SRFBP1: variants seen among roughly 807,000 people sequenced by gnomAD.
The protein encoded by SRFBP1 is serum response factor-binding protein 1.
In SRFBP1, 47 loss-of-function variants were observed where a neutral mutation model predicts 45.5. That is an observed-to-expected ratio of 1.03 (90% CI 0.82 to 1.32). SRFBP1 has a LOEUF of 1.32. SRFBP1 is among the 40% of genes most tolerant of loss of function. SRFBP1 has a pLI of 0.00. For missense variants in SRFBP1, 621 were observed against 484.6 expected, an observed-to-expected ratio of 1.28 and a Z score of -2.64; for synonymous variants, 203 against 166.3, an observed-to-expected ratio of 1.22 and a Z score of -1.70.
At chr5:122,072,193 C>T (rs1383974599) in intron 2 of SRFBP1, among the ~76,000 whole-genome samples, 1 of 152,120 alleles carries the variant, frequency 6.6e-6, no homozygotes. Context: ...CTTATCTTGC[C>T]TTCAAATAGA....
chr5:122,030,456 C>T (rs1340295540), downstream of SRFBP1, among the ~76,000 whole-genome samples: 7 of 152,138 alleles, frequency 4.6e-5, 1 homozygote, highest in Admixed American at 4.6e-4. Context: ...AGACACATTC[C>T]CTGAGTACTG....
intron 2 of SRFBP1, among the ~76,000 whole-genome samples, chr5:122,068,061 T>A (rs1424539854): frequency 1.3e-5 from 2 of 151,926 alleles, no homozygotes; most frequent in African/African-American, 4.8e-5. Context: ...TATGACATTT[T>A]ATTATGATCA....
chr5:122,020,017 A>G (rs1753270064), intron 5 of SRFBP1, 71 bp from the exon 6 acceptor site: 1 of 1,032,490 alleles, frequency 9.7e-7, no homozygotes, highest in Middle Eastern at 2.2e-4. Flanking sequence ...ATTTTTTAAA[A>G]TACTGTCCTA....
downstream of SRFBP1, chr5:122,077,194 G>A: frequency 1.4e-6 from 2 of 1,469,660 alleles, no homozygotes; most frequent in South Asian, 2.8e-5. This position sits in a 1 kb window ranked among gnomAD's most constrained non-coding sequence, Gnocchi z 4.9. Context: ...GGGGCCAGAC[G>A]CGCGGTTTGC....
At chr5:122,041,397 A>G (rs1327151313) in intron 2 of SRFBP1, among the ~76,000 whole-genome samples, 1 of 152,054 alleles carries the variant, frequency 6.6e-6, no homozygotes, top group Non-Finnish European at 1.5e-5. Context: ...TTTCTGTGAT[A>G]TGCTTTTTTT....
At chr5:122,060,985 C>A (rs921852655) in intron 2 of SRFBP1, among the ~76,000 whole-genome samples, 1 of 152,048 alleles carries the variant, frequency 6.6e-6, no homozygotes, top group Non-Finnish European at 1.5e-5. Context: ...CAGCACCAAC[C>A]CAACAATAAA....
intron 2 of SRFBP1, chr5:122,063,804 C>T (rs1354291446): frequency 6.6e-6 from 1 of 151,834 alleles, no homozygotes; most frequent in Non-Finnish European, 1.5e-5. Flanking sequence ...TAATGAATTG[C>T]ATTTCTTCTA....
chr5:122,077,192 A>C, downstream of SRFBP1: 2 of 1,469,188 alleles, frequency 1.4e-6, no homozygotes. The surrounding 1 kb of genome is among the most constrained non-coding windows in gnomAD (Gnocchi z 4.9). Flanking sequence ...GAGGGGCCAG[A>C]CGCGCGGTTT....
At chr5:121,966,116 G>A (rs1174105580) in intron 1 of SRFBP1, among the ~76,000 whole-genome samples, 3 of 152,116 alleles carry the variant, frequency 2.0e-5, no homozygotes, top group African/African-American at 7.2e-5. Context: ...TAGATATACA[G>A]TCATGTCTTC....
In SRFBP1 at chr5:122,037,185, A is replaced by G. The variant is rs904347556; in HGVS notation, n.311+14778A>G. Among the ~76,000 whole-genome samples, 126 of 152,332 alleles carry G rather than the reference A, an allele frequency of 8.3e-4. 1 individual carries two copies. The highest frequency in any genetic ancestry group is 2.9e-3 in the African/African-American group (119 of 41,580). ...AGTGCTGGGATTATAGGCGTGAGCC[A>G]CTGTGCCCAGCCTCCTGTGAGTCTA... On this transcript the variant is annotated intron_variant and non_coding_transcript_variant, in intron 2 of 2. Transcript: ENST00000504881.
At chr5:122,010,925 T>C (rs1012567237) in intron 4 of SRFBP1, among the ~76,000 whole-genome samples, 2 of 152,158 alleles carry the variant, frequency 1.3e-5, no homozygotes, top group African/African-American at 4.8e-5. Context: ...TTATATTTGA[T>C]AATATAATTG....
chr5:121,996,000 C>A (rs1403890964), intron 4 of SRFBP1, among the ~76,000 whole-genome samples: 1 of 152,030 alleles, frequency 6.6e-6, no homozygotes, highest in Non-Finnish European at 1.5e-5. Flanking sequence ...ATAACAGGAG[C>A]TGAAATTGTG....
chr5:121,970,008 T>C (rs2112813792), intron 1 of SRFBP1, among the ~76,000 whole-genome samples: 1 of 152,294 alleles, frequency 6.6e-6, no homozygotes, highest in African/African-American at 2.4e-5. Context: ...CAAAATGTAC[T>C]GCCATTAAGC....
At chr5:122,032,727 C>G (rs1753610421), downstream of SRFBP1, among the ~76,000 whole-genome samples, 1 of 152,092 alleles carries the variant, frequency 6.6e-6, no homozygotes, top group Non-Finnish European at 1.5e-5. Flanking sequence ...AACAATGTTG[C>G]AAAGGAAATA....
intron 2 of SRFBP1, among the ~76,000 whole-genome samples, chr5:122,074,808 T>C (rs1754568690): frequency 6.6e-6 from 1 of 152,234 alleles, no homozygotes; most frequent in African/African-American, 2.4e-5. Context: ...GAGGACTGGC[T>C]TGGATTTCAG....
At chr5:122,037,439 TCAAATTATTC>T (rs1474668453) in intron 2 of SRFBP1, among the ~76,000 whole-genome samples, 4 of 152,238 alleles carry the variant, frequency 2.6e-5, no homozygotes, top group Non-Finnish European at 5.9e-5. Flanking sequence ...CTTACCATCT[TCAAATTATTC>T]CATGTTTTCC....
chr5:122,012,515 A>G (rs1240655369), intron 4 of SRFBP1, among the ~76,000 whole-genome samples: 1 of 152,060 alleles, frequency 6.6e-6, no homozygotes, highest in African/African-American at 2.4e-5. Flanking sequence ...TTTCATTTGC[A>G]CAGTTTTTTT....
intron 4 of SRFBP1, among the ~76,000 whole-genome samples, chr5:122,006,434 T>G: frequency 6.6e-6 from 1 of 152,250 alleles, no homozygotes; most frequent in Middle Eastern, 3.4e-3. Context: ...TATTTATGTC[T>G]TTCCTCAAAT....
chr5:122,022,315 TTAAGA>T, intron 6 of SRFBP1, 50 bp from the exon 7 acceptor site: 9 of 1,480,396 alleles, frequency 6.1e-6, no homozygotes, highest in Non-Finnish European at 7.5e-6. Flanking sequence ...TGTTTTTTTC[TTAAGA>T]TCAGAGGATT....
Sources: gnomAD v4.1 joint callset for allele counts (sites outside exome capture counted in the v4.1 genomes callset) on GRCh38, gnomAD v4.1.1 for gene constraint, Gnocchi (gnomAD v3.1) non-coding constraint, MANE v1.5 for transcripts, NCBI Gene and HGNC (gene_info 2026-07-23, HGNC 2026-07-21) for gene names.